Variants in SPAG1 observed in about 807,000 individuals in gnomAD.
The protein encoded by SPAG1 is sperm associated antigen 1.
In SPAG1, 69 loss-of-function variants were observed where a neutral mutation model predicts 100.5. The observed-to-expected ratio is 0.69, with a 90% CI of 0.57 to 0.84. The LOEUF is 0.84. Ranked by LOEUF, SPAG1 falls within the 40% of genes least tolerant of loss-of-function variation. SPAG1 has a pLI of 0.00. For missense variants in SPAG1, 955 were observed against 1,133.1 expected (o/e 0.84, Z 2.26); for synonymous variants, 336 against 411.6 (o/e 0.82, Z 2.22).
chr8:100,169,418 AG>A (rs1815719205), intron 3 of SPAG1, among the ~76,000 whole-genome samples: 1 of 152,210 alleles, frequency 6.6e-6, no homozygotes, highest in African/African-American at 2.4e-5. Flanking sequence ...CAACACAGCA[AG>A]ACCTCATCTC....
intron 8 of SPAG1, among the ~76,000 whole-genome samples, chr8:100,187,611 G>C (rs1816641042): frequency 7.2e-5 from 11 of 151,952 alleles, no homozygotes; most frequent in Admixed American, 7.2e-4. Flanking sequence ...TGAGACGATT[G>C]CTTGAGTCTA....
chr8:100,159,417 C>G (rs1033838971), intron 1 of SPAG1, among the ~76,000 whole-genome samples: 2 of 152,168 alleles, frequency 1.3e-5, no homozygotes, highest in African/African-American at 4.8e-5. Context: ...TAAGTCAAAG[C>G]CGGCAGGAAT....
chr8:100,201,142 G>T lies in SPAG1; in HGVS notation c.1096+6874G>T, dbSNP rs182538181. ...TCCTTCCTTCCTTTTTTTAGACAAG[G>T]TCTTACTCTGTTGCCCAGACTGAAA... On this transcript the variant is annotated intron_variant, in intron 10 of 18. Transcript: ENST00000388798. Among the ~76,000 whole-genome samples, 7 of 150,440 alleles carry T rather than the reference G, an allele frequency of 4.7e-5. No homozygotes were observed. The East Asian group carries it at 1.4e-3, about 29-fold the overall frequency.
chr8:100,226,730 G>A (rs1309622124), intron 14 of SPAG1, among the ~76,000 whole-genome samples: 1 of 151,960 alleles, frequency 6.6e-6, no homozygotes, highest in Non-Finnish European at 1.5e-5. Flanking sequence ...ATAACATGTA[G>A]CTCTACAGTA....
chr8:100,213,607 T>A (rs1052439322), intron 11 of SPAG1, among the ~76,000 whole-genome samples, 179 bp downstream of exon 11: 1 of 152,148 alleles, frequency 6.6e-6, no homozygotes, highest in African/African-American at 2.4e-5. Context: ...CACCTGGGAA[T>A]GCCGGCATGT....
intron 16 of SPAG1, among the ~76,000 whole-genome samples, chr8:100,237,641 G>A (rs899638951): frequency 6.6e-6 from 1 of 151,030 alleles, no homozygotes; most frequent in Non-Finnish European, 1.5e-5. Flanking sequence ...GCACATGGAC[G>A]TGCTCAGAGA....
At chr8:100,219,570 T>C (rs1168624825) in intron 12 of SPAG1, among the ~76,000 whole-genome samples, 1 of 152,248 alleles carries the variant, frequency 6.6e-6, no homozygotes, top group African/African-American at 2.4e-5. Context: ...CATAACCATA[T>C]TGTAAATCGA....
Position 100,187,116 on chromosome 8 carries a change from C to G in SPAG1, c.702-4C>G, listed in dbSNP as rs766585243. ...CTTGTTGCCAGTAACTGTTTCTTTT[C>G]TAGGAGCATATCAGCGCTTCCCACT... On this transcript the variant is annotated splice_polypyrimidine_tract_variant and splice_region_variant and intron_variant, in intron 7 of 18. Coordinates refer to ENST00000388798, the MANE Select transcript of SPAG1 (RefSeq NM_003114.5). 1.3e-6 allele frequency: 2 copies of G among 1,598,586 alleles called. No individual in the cohort carries two copies. The highest frequency in any genetic ancestry group is 8.5e-7 in the Non-Finnish European group (1 of 1,174,060).
intron 12 of SPAG1, 60 bp downstream of exon 12, chr8:100,213,978 A>C: frequency 1.0e-6 from 1 of 955,850 alleles, no homozygotes; most frequent in African/African-American, 1.6e-5. Flanking sequence ...TGGTGAATGC[A>C]ATATCCAAGA....
intron 3 of SPAG1, among the ~76,000 whole-genome samples, chr8:100,174,950 A>G (rs898436735): frequency 1.4e-5 from 2 of 147,162 alleles, no homozygotes; most frequent in Non-Finnish European, 3.0e-5. Flanking sequence ...TTTTTCTAGC[A>G]GGGATTTATT....
chr8:100,222,433 C>G (rs1482035715), intron 13 of SPAG1, among the ~76,000 whole-genome samples: 1 of 152,192 alleles, frequency 6.6e-6, no homozygotes, highest in Non-Finnish European at 1.5e-5. Flanking sequence ...CTCCAGTAGA[C>G]GTCCTCAATA....
chr8:100,226,311 G>A (rs1818511706), intron 14 of SPAG1, among the ~76,000 whole-genome samples: 1 of 152,116 alleles, frequency 6.6e-6, no homozygotes, highest in African/African-American at 2.4e-5. Context: ...GCAGGGGAAT[G>A]TATTAATAAA....
intron 10 of SPAG1, among the ~76,000 whole-genome samples, chr8:100,200,523 C>T (rs1282918422): frequency 6.6e-6 from 1 of 152,264 alleles, no homozygotes; most frequent in Non-Finnish European, 1.5e-5. Context: ...AATCGCCACA[C>T]TGTCTTCCAC....
chr8:100,231,272 G>A lies in SPAG1; in HGVS notation c.1972G>A (p.Ala658Thr). The change falls in exon 15 of 19, where the codon GCC becomes ACC. Residue 658 changes from alanine to threonine, a missense_variant. Coordinates refer to ENST00000388798, the MANE Select transcript of SPAG1 (RefSeq NM_003114.5). ...ECLKINNKECAIYTNRALCYL... is the reference protein window; with the variant it reads ...ECLKINNKECTIYTNRALCYL... Reference sequence around the variant, plus strand: ...CTTAAAGATTAACAATAAGGAATGTGCCATATATACAAACAGGCAAGTTCT... The same window carrying A: ...CTTAAAGATTAACAATAAGGAATGTACCATATATACAAACAGGCAAGTTCT... 3 of 1,571,574 alleles carry A rather than the reference G, an allele frequency of 1.9e-6. No individual in the cohort carries two copies. The highest frequency in any genetic ancestry group is 2.6e-6 in the Non-Finnish European group (3 of 1,155,468).
At chr8:100,231,093 A>G in intron 14 of SPAG1, 63 bp from the exon 15 acceptor site, 1 of 1,436,522 alleles carries the variant, frequency 7.0e-7, no homozygotes, top group South Asian at 1.5e-5. Flanking sequence ...TTATAGTTGT[A>G]CTTAAGATTT....
chr8:100,237,823 G>T (rs955116127), intron 16 of SPAG1, among the ~76,000 whole-genome samples: 1 of 152,074 alleles, frequency 6.6e-6, no homozygotes, highest in African/African-American at 2.4e-5. Flanking sequence ...TGCTCTTTAG[G>T]CAGAGACTTT....
At chr8:100,238,542 A>G (rs1163843514) in intron 16 of SPAG1, among the ~76,000 whole-genome samples, 1 of 152,190 alleles carries the variant, frequency 6.6e-6, no homozygotes, top group Non-Finnish European at 1.5e-5. Context: ...ATAGCTTGTC[A>G]CAGCAGACTG....
intron 14 of SPAG1, among the ~76,000 whole-genome samples, chr8:100,227,649 T>C (rs924783607): frequency 1.3e-5 from 2 of 152,146 alleles, no homozygotes; most frequent in Admixed American, 6.5e-5. Flanking sequence ...ATAGCACAAG[T>C]ATAATCAGCT....
intron 13 of SPAG1, among the ~76,000 whole-genome samples, chr8:100,221,145 ACTG>A (rs1818258616): frequency 1.3e-5 from 2 of 152,264 alleles, no homozygotes; most frequent in South Asian, 4.2e-4. Flanking sequence ...TGTGGTGAAA[ACTG>A]CTATGTTGAA....
Sources: gnomAD v4.1 joint callset for allele counts (sites outside exome capture counted in the v4.1 genomes callset) on GRCh38, gnomAD v4.1.1 for gene constraint, MANE v1.5 for transcripts, NCBI Gene and HGNC (gene_info 2026-07-23, HGNC 2026-07-21) for gene names.